The following BICD1 variants were observed in gnomAD, a reference collection of about 807,000 sequenced individuals.
BICD1 encodes the protein protein bicaudal D homolog 1.
A neutral mutation model predicts 92.5 loss-of-function variants in BICD1; 35 were observed. The observed-to-expected ratio is 0.38, with a 90% CI of 0.29 to 0.50. BICD1 has a LOEUF of 0.50. Ranked by LOEUF, BICD1 falls within the 20% of genes least tolerant of loss-of-function variation. The probability of loss-of-function intolerance (pLI) is 0.93; values close to 1 mark genes in which losing one functional copy is unlikely to be tolerated. For missense variants in BICD1, 950 were observed against 1,189.8 expected, an observed-to-expected ratio of 0.80 and a Z score of 2.97; for synonymous variants, 429 against 465.1, an observed-to-expected ratio of 0.92 and a Z score of 1.00.
chr12:32,337,443 C>T lies in BICD1; in HGVS notation c.2253-56C>T. On this transcript the variant is annotated intron_variant, in intron 6 of 9. Transcript: ENST00000652176. The surrounding 1 kb of genome is among the most constrained non-coding windows in gnomAD (Gnocchi z 4.7). ...AAATTTATTACTTTTCAGCTTAACT[C>T]CCAAATTCAGTTTCACCAAGATTTT... The T allele has an allele frequency of 1.3e-6, 2 of 1,526,166 alleles. No homozygotes were observed. Among genetic ancestry groups the T allele is most frequent in the Non-Finnish European group, 8.9e-7 (1 of 1,120,878 alleles). The allele number at this position is 1,526,166 out of a possible 1,614,324, so 94.5% of individuals were successfully genotyped here. A position where few individuals can be genotyped will look rare whatever the true frequency, so the allele number is the denominator to read the frequency against.
intron 2 of BICD1, among the ~76,000 whole-genome samples, chr12:32,250,192 G>A (rs11051874): frequency 0.047 from 7,081 of 152,250 alleles, 265 homozygotes; most frequent in East Asian, 0.19. Flanking sequence ...TTAAGTGGTT[G>A]AGATGGGCCA....
At chr12:32,220,199 T>C (rs1312820858) in intron 2 of BICD1, among the ~76,000 whole-genome samples, 3 of 152,162 alleles carry the variant, frequency 2.0e-5, no homozygotes, top group Non-Finnish European at 4.4e-5. Context: ...ACTTCATGTA[T>C]AAAACACCAA....
chr12:32,190,795 G>A (rs1565576387), intron 1 of BICD1, among the ~76,000 whole-genome samples: 1 of 152,122 alleles, frequency 6.6e-6, no homozygotes, highest in South Asian at 2.1e-4. Flanking sequence ...CAGAATACAC[G>A]TTTTTCTCAA....
intron 1 of BICD1, among the ~76,000 whole-genome samples, chr12:32,174,589 A>T (rs151180859): frequency 1.3e-5 from 2 of 152,218 alleles, no homozygotes; most frequent in South Asian, 4.2e-4. Flanking sequence ...TAATCAAACT[A>T]TCTTGCCCTA....
At chr12:32,171,168 TACTTG>T (rs1399003694) in intron 1 of BICD1, among the ~76,000 whole-genome samples, 1 of 152,156 alleles carries the variant, frequency 6.6e-6, no homozygotes. Flanking sequence ...CAGACATGGT[TACTTG>T]ACTTGTTTGG....
intron 2 of BICD1, among the ~76,000 whole-genome samples, chr12:32,225,116 C>G (rs2121576030): frequency 6.6e-6 from 1 of 152,314 alleles, no homozygotes; most frequent in South Asian, 2.1e-4. Context: ...AGAGCCACTC[C>G]CACCTCAGCC....
chr12:32,240,938 C>T (rs1326955108), intron 2 of BICD1, among the ~76,000 whole-genome samples: 1 of 152,126 alleles, frequency 6.6e-6, no homozygotes, highest in African/African-American at 2.4e-5. Flanking sequence ...ATGATGTTCA[C>T]CTCATTGCGA....
At chr12:32,227,163 C>T (rs1213566077) in intron 2 of BICD1, among the ~76,000 whole-genome samples, 1 of 152,150 alleles carries the variant, frequency 6.6e-6, no homozygotes, top group Non-Finnish European at 1.5e-5. Context: ...AGAGGACAGC[C>T]CTAAAGATGG....
intron 2 of BICD1, among the ~76,000 whole-genome samples, chr12:32,222,975 A>G (rs962541926): frequency 2.6e-5 from 4 of 152,184 alleles, no homozygotes; most frequent in African/African-American, 7.2e-5. Flanking sequence ...TTCTAATGCA[A>G]GGTTTCTTCT....
chr12:32,199,847 A>G (rs1043393181), intron 1 of BICD1, among the ~76,000 whole-genome samples: 4 of 152,106 alleles, frequency 2.6e-5, no homozygotes, highest in South Asian at 4.2e-4. Flanking sequence ...CAGACCCACA[A>G]TAAAACTCGT....
At chr12:32,262,024 G>T (rs1946872356) in intron 2 of BICD1, among the ~76,000 whole-genome samples, 1 of 151,900 alleles carries the variant, frequency 6.6e-6, no homozygotes. Flanking sequence ...TAATATATGG[G>T]TTGTTACTAT....
chr12:32,142,662 G>A (rs1399141387), intron 1 of BICD1, among the ~76,000 whole-genome samples: 3 of 150,154 alleles, frequency 2.0e-5, no homozygotes, highest in Non-Finnish European at 4.4e-5. Flanking sequence ...CATATTTGAG[G>A]GCTTCATTAG....
At chr12:32,282,263 C>T (rs1490091668) in intron 2 of BICD1, among the ~76,000 whole-genome samples, 2 of 132,780 alleles carry the variant, frequency 1.5e-5, no homozygotes, top group African/African-American at 5.9e-5. Context: ...CTCTGTTGCC[C>T]AGGCTGGAGT....
At chr12:32,270,007 A>G (rs1234455501) in intron 2 of BICD1, among the ~76,000 whole-genome samples, 1 of 151,672 alleles carries the variant, frequency 6.6e-6, no homozygotes, top group Non-Finnish European at 1.5e-5. Context: ...CTATAGTCCC[A>G]GCTACTCGGG....
rs77367769 is a variant in BICD1 at position 32,231,020 on chromosome 12, A to G, written c.426+14561A>G. 5.0e-3 allele frequency among the ~76,000 whole-genome samples: 766 copies of G among 152,326 alleles called. 2 individuals carry two copies. The highest frequency in any genetic ancestry group is 0.017 in the African/African-American group (706 of 41,572). On this transcript the variant is annotated intron_variant, in intron 2 of 9. Coordinates refer to ENST00000652176, the MANE Select transcript of BICD1 (RefSeq NM_001714.4). Reference sequence around the variant, plus strand: ...TTTTTTCCATGATTTGGAAAGTGATATTATATTTGTCAATGAGAAATAATG... The same window carrying G: ...TTTTTTCCATGATTTGGAAAGTGATGTTATATTTGTCAATGAGAAATAATG...
chr12:32,377,699 A>G lies in BICD1; in HGVS notation c.*72A>G, dbSNP rs904245748. On this transcript the variant is annotated 3_prime_UTR_variant, in exon 10 of 10. Coordinates refer to ENST00000652176, the MANE Select transcript of BICD1 (RefSeq NM_001714.4). ...ACACACAGGATACTGCCCAAGATCC[A>G]GCGGGTGTTTTCTTCTCGGTTGTTA... The G allele has an allele frequency of 2.2e-6, 3 of 1,351,112 alleles. No individual in the cohort carries two copies. The highest frequency in any genetic ancestry group is 2.1e-6 in the Non-Finnish European group (2 of 942,850). The allele number at this position is 1,351,112 out of a possible 1,614,324, so 83.7% of individuals were successfully genotyped here. A position where few individuals can be genotyped will look rare whatever the true frequency, so the allele number is the denominator to read the frequency against.
At chr12:32,303,713 G>A (rs1020813705) in intron 3 of BICD1, among the ~76,000 whole-genome samples, 2 of 152,136 alleles carry the variant, frequency 1.3e-5, no homozygotes, top group Non-Finnish European at 2.9e-5. Context: ...CCTGGCTCCT[G>A]GATGACCTCA....
chr12:32,154,493 C>T (rs1943381826), intron 1 of BICD1, among the ~76,000 whole-genome samples: 1 of 152,206 alleles, frequency 6.6e-6, no homozygotes, highest in African/African-American at 2.4e-5. Flanking sequence ...ATGTAGCACT[C>T]ACCATTACTT....
chr12:32,330,430 G>T (rs1294115196), intron 5 of BICD1, among the ~76,000 whole-genome samples: 9 of 131,074 alleles, frequency 6.9e-5, no homozygotes, highest in Non-Finnish European at 1.1e-4. Flanking sequence ...GTTGTGGGGT[G>T]GGGGGAGGGG....
Sources: allele counts gnomAD v4.1 joint callset (sites outside exome capture counted in the v4.1 genomes callset), GRCh38; gene constraint gnomAD v4.1.1; non-coding constraint Gnocchi (gnomAD v3.1); transcripts MANE v1.5; gene names NCBI Gene and HGNC (gene_info 2026-07-23, HGNC 2026-07-21).